The following C2orf66 variants were observed in gnomAD, a reference collection of about 807,000 sequenced individuals.
C2orf66 encodes the protein uncharacterized protein C2orf66.
A neutral mutation model predicts 7.0 loss-of-function variants in C2orf66; 6 were observed. The observed-to-expected ratio is 0.86, with a 90% CI of 0.47 to 1.69. The LOEUF is 1.69. Ranked by LOEUF, C2orf66 falls within the 40% of genes most tolerant of loss-of-function variation. C2orf66 has a pLI of 0.01. For missense variants in C2orf66, 107 were observed against 112.0 expected, an observed-to-expected ratio of 0.96 and a Z score of 0.20; for synonymous variants, 38 against 43.8, an observed-to-expected ratio of 0.87 and a Z score of 0.52.
upstream of C2orf66, among the ~76,000 whole-genome samples, chr2:196,813,350 G>A (rs944992888): frequency 2.0e-5 from 3 of 152,130 alleles, no homozygotes; most frequent in Admixed American, 6.5e-5. Context: ...TTTAATAAAC[G>A]GTGCTGGGAA....
the C2orf66 span, among the ~76,000 whole-genome samples, chr2:196,818,612 A>G: frequency 1.3e-5 from 2 of 152,184 alleles, no homozygotes; most frequent in African/African-American, 2.4e-5. Context: ...AATCATGATA[A>G]TCATGCTTGA....
At chr2:196,810,962 C>A (rs186187294), upstream of C2orf66, among the ~76,000 whole-genome samples, 1 of 152,264 alleles carries the variant, frequency 6.6e-6, no homozygotes, top group African/African-American at 2.4e-5. Flanking sequence ...TATGAAATAG[C>A]GAGTGCTATG....
At chr2:196,809,366 T>C (rs1355801133), upstream of C2orf66, 2 of 1,612,202 alleles carry the variant, frequency 1.2e-6, no homozygotes, top group Non-Finnish European at 1.7e-6. Context: ...AAAGAGGGGA[T>C]GCGGGAGCTG....
At position 196,804,573 on chromosome 2, in the gene C2orf66, G is replaced by C. The variant is rs552700835; in HGVS notation, c.*855C>G. 6.6e-6 allele frequency among the ~76,000 whole-genome samples: 1 copy of C among 152,328 alleles called. No homozygotes were observed. The highest frequency in any genetic ancestry group is 1.9e-4 in the East Asian group (1 of 5,190). ...CAGGAATCACAGAGAAGATGATGCAGCTATCTATAAAGATACAGGAAAAGC... is the reference window on the plus strand; with the variant it reads ...CAGGAATCACAGAGAAGATGATGCACCTATCTATAAAGATACAGGAAAAGC... On this transcript the variant is annotated 3_prime_UTR_variant, in exon 3 of 3. Transcript: ENST00000342506.
chr2:196,827,370 T>A, the C2orf66 span, among the ~76,000 whole-genome samples: 1 of 151,958 alleles, frequency 6.6e-6, no homozygotes, highest in Admixed American at 6.6e-5. Flanking sequence ...TGCAACTATA[T>A]GACAAACTTT....
At chr2:196,816,714 G>T in the C2orf66 span, among the ~76,000 whole-genome samples, 6 of 152,150 alleles carry the variant, frequency 3.9e-5, no homozygotes, top group South Asian at 1.0e-3. Flanking sequence ...GGAAAAAAAT[G>T]TTAGAGGGGT....
chr2:196,830,153 T>C, the C2orf66 span, among the ~76,000 whole-genome samples: 2 of 152,166 alleles, frequency 1.3e-5, no homozygotes, highest in Non-Finnish European at 2.9e-5. Flanking sequence ...CAGGACAGCA[T>C]TTCTAGTTGT....
upstream of C2orf66, chr2:196,810,010 G>C (rs1334619147): frequency 6.6e-6 from 1 of 152,246 alleles, no homozygotes; most frequent in African/African-American, 2.4e-5. Context: ...GCCAGTGGAA[G>C]TCACTGACTT....
chr2:196,806,822 C>T (rs973324840), intron 2 of C2orf66, among the ~76,000 whole-genome samples: 7 of 152,062 alleles, frequency 4.6e-5, no homozygotes, highest in Admixed American at 1.3e-4. Context: ...CACCATTGCA[C>T]TCCAGCCTGG....
the C2orf66 span, among the ~76,000 whole-genome samples, chr2:196,827,238 CAAA>C: frequency 4.9e-5 from 2 of 40,558 alleles, no homozygotes; most frequent in Non-Finnish European, 5.2e-5. Context: ...GATTCTGTCT[CAAA>C]AAAAAAAAAA....
chr2:196,829,659 G>A, the C2orf66 span, among the ~76,000 whole-genome samples: 35,441 of 151,492 alleles, frequency 0.23, 4,741 homozygotes, highest in African/African-American at 0.37. Flanking sequence ...GCACTTTGGG[G>A]TGCCGAGGCG....
At chr2:196,817,103 C>T in the C2orf66 span, among the ~76,000 whole-genome samples, 2 of 151,926 alleles carry the variant, frequency 1.3e-5, no homozygotes, top group East Asian at 3.9e-4. Flanking sequence ...TCACATGCTT[C>T]TGAGGAAATA....
chr2:196,830,487 A>G, the C2orf66 span, among the ~76,000 whole-genome samples: 1 of 152,284 alleles, frequency 6.6e-6, no homozygotes. Flanking sequence ...ATTTCAGCCC[A>G]GGTATAAAAG....
chr2:196,813,258 C>A (rs570819686), upstream of C2orf66, among the ~76,000 whole-genome samples: 1 of 152,276 alleles, frequency 6.6e-6, no homozygotes, highest in African/African-American at 2.4e-5. Context: ...GAACAGAGCC[C>A]TCAGAAATAA....
At chr2:196,812,913 G>C (rs1360286036), upstream of C2orf66, among the ~76,000 whole-genome samples, 2 of 152,170 alleles carry the variant, frequency 1.3e-5, no homozygotes, top group African/African-American at 4.8e-5. Context: ...ACCAACCACT[G>C]CTCAAGGAAA....
chr2:196,820,753 GT>G, the C2orf66 span, among the ~76,000 whole-genome samples: 2 of 152,188 alleles, frequency 1.3e-5, no homozygotes, highest in African/African-American at 4.8e-5. Flanking sequence ...ATGATCCTGG[GT>G]TGCAGCAAAG....
chr2:196,817,468 C>T, the C2orf66 span, among the ~76,000 whole-genome samples: 6 of 152,162 alleles, frequency 3.9e-5, 1 homozygote, highest in Admixed American at 2.6e-4. Flanking sequence ...ATCTCCTGAC[C>T]TTGTGATCTG....
upstream of C2orf66, chr2:196,809,620 T>C (rs1699855381): frequency 2.9e-6 from 1 of 345,034 alleles, no homozygotes; most frequent in Admixed American, 4.6e-5. Flanking sequence ...AAAGTCTGAA[T>C]ATGCCTTTTT....
the C2orf66 span, among the ~76,000 whole-genome samples, chr2:196,830,908 AG>A: frequency 1.3e-5 from 2 of 152,060 alleles, no homozygotes; most frequent in Admixed American, 1.3e-4. Context: ...AGGGGGAACA[AG>A]GGGGCTAATT....
Sources: allele counts gnomAD v4.1 joint callset (sites outside exome capture counted in the v4.1 genomes callset), GRCh38; gene constraint gnomAD v4.1.1; transcripts MANE v1.5; gene names NCBI Gene and HGNC (gene_info 2026-07-23, HGNC 2026-07-21).